NEURL4: variants seen among roughly 807,000 people sequenced by gnomAD.
The protein encoded by NEURL4 is neuralized-like protein 4.
NEURL4 carries 45 observed loss-of-function variants against 148.0 expected under a neutral mutation model. That is an observed-to-expected ratio of 0.30 (90% confidence interval 0.24 to 0.39). NEURL4 has a LOEUF of 0.39. Ranked by LOEUF, NEURL4 falls within the 10% of genes least tolerant of loss-of-function variation. The pLI, the probability that NEURL4 is intolerant of heterozygous loss-of-function variation, is 1.00. For synonymous variants in NEURL4, 854 were observed against 869.0 expected, an observed-to-expected ratio of 0.98 and a Z score of 0.30; for missense variants, 1,776 against 2,144.0, an observed-to-expected ratio of 0.83 and a Z score of 3.39.
chr17:7,317,095 A>G (rs1351134088), intron 28 of NEURL4, 110 bp downstream of exon 28: 1 of 699,100 alleles, frequency 1.4e-6, no homozygotes, highest in Admixed American at 3.2e-5. Flanking sequence ...GGCAGCTAGC[A>G]AGACGAGATG....
chr17:7,318,838 C>A lies in NEURL4; in HGVS notation c.3685-164G>T. The A allele has an allele frequency of 1.1e-6, 1 of 934,570 alleles. No homozygotes were observed. Among genetic ancestry groups the A allele is most frequent in the Non-Finnish European group, 1.6e-6 (1 of 634,592 alleles). 57.9% of individuals were successfully genotyped at this position (934,570 alleles called of 1,614,324 possible). A position where few individuals can be genotyped will look rare whatever the true frequency, so the allele number is the denominator to read the frequency against. ...GTTACCTAGAGCCCCTCCCCTTCCC[C>A]AAAACTGGCACATTCTCAATGGCAG... On this transcript the variant is annotated intron_variant, in intron 22 of 28. Coordinates refer to ENST00000399464, the MANE Select transcript of NEURL4 (RefSeq NM_032442.3). This position sits in a 1 kb window ranked among gnomAD's most constrained non-coding sequence, Gnocchi z 4.3.
chr17:7,323,382 A>G (rs2073057541), intron 14 of NEURL4, 103 bp downstream of exon 14: 1 of 1,205,278 alleles, frequency 8.3e-7, no homozygotes, highest in Admixed American at 1.9e-5. Flanking sequence ...TAGATCCCCT[A>G]GGTCTGTCAC....
chr17:7,323,703 A>C lies in NEURL4; in HGVS notation c.2282T>G (p.Leu761Arg). ...CATCTTCTGAATGACAATTTCAAAC[A>C]GCTCTCCATCCCGCAGGGCCCTGCC... ...ISNRALRDGELFEIVIQKMVD... is the reference protein window; with the variant it reads ...ISNRALRDGERFEIVIQKMVD... Residue 761 changes from leucine (L) to arginine (R), a missense_variant, in exon 13 of 29, where the codon CTG becomes CGG. Coordinates refer to ENST00000399464, the MANE Select transcript of NEURL4 (RefSeq NM_032442.3). 2.5e-6 allele frequency: 4 copies of C among 1,613,940 alleles called. No homozygotes were observed. The highest frequency in any genetic ancestry group is 3.4e-6 in the Non-Finnish European group (4 of 1,179,942).
At position 7,325,218 on chromosome 17, in the gene NEURL4, A is replaced by C; in HGVS notation, c.1622T>G (p.Leu541Arg). 7.2e-7 allele frequency: 1 copy of C among 1,387,578 alleles called. No individual in the cohort carries two copies. The highest frequency in any genetic ancestry group is 9.5e-7 in the Non-Finnish European group (1 of 1,049,632). The allele number at this position is 1,387,578 out of a possible 1,614,324, so 86.0% of individuals were successfully genotyped here. A position where few individuals can be genotyped will look rare whatever the true frequency, so the allele number is the denominator to read the frequency against. ...AAITHEGRTA[L>R]RPHATDDFNH... is the part of the protein sequence containing the mutation. ...ACCCCATGGGCCATACTGGGGCCTC[A>C]GGGCAGTGCGTCCCTCGTGGGTGAT... Residue 541 changes from leucine to arginine, a missense_variant, in exon 8 of 29, where the codon CTG becomes CGG. Coordinates refer to ENST00000399464, the MANE Select transcript of NEURL4 (RefSeq NM_032442.3).
chr17:7,316,053 G>T lies in NEURL4; in HGVS notation c.*70C>A. 1.2e-6 allele frequency: 1 copy of T among 854,450 alleles called. No individual in the cohort carries two copies. Among genetic ancestry groups the T allele is most frequent in the Non-Finnish European group, 2.0e-6 (1 of 489,798 alleles). The allele number at this position is 854,450 out of a possible 1,614,324, so 52.9% of individuals were successfully genotyped here. Reference sequence around the variant, plus strand: ...ATGCCACGAGTCACGGGAATGAGGTGGAGGCAGTCGCCACTCAGAGTCCAT... The same window carrying T: ...ATGCCACGAGTCACGGGAATGAGGTTGAGGCAGTCGCCACTCAGAGTCCAT... On this transcript the variant is annotated 3_prime_UTR_variant, in exon 29 of 29. Transcript: ENST00000399464.
In NEURL4 at chr17:7,317,314, C is replaced by G. The variant is rs767145433; in HGVS notation, c.4375G>C (p.Glu1459Gln). The G allele has an allele frequency of 1.3e-6, 2 of 1,538,518 alleles. No homozygotes were observed. Among genetic ancestry groups the G allele is most frequent in the Non-Finnish European group, 1.8e-6 (2 of 1,142,046 alleles). ...PLKGEPGVGFEEPGENCAPPR... is the reference protein window; with the variant it reads ...PLKGEPGVGFQEPGENCAPPR... The stretch of plus-strand genomic sequence containing the variant: ...GGTGCACAGTTCTCGCCAGGCTCCT[C>G]GAACCCTACCCCAGGTTCTCCCTTC... Residue 1459 changes from glutamate (E) to glutamine (Q), a missense_variant, in exon 28 of 29, where the codon GAG (glutamate) becomes CAG (glutamine). Coordinates refer to ENST00000399464, the MANE Select transcript of NEURL4 (RefSeq NM_032442.3).
At position 7,321,783 on chromosome 17, in the gene NEURL4, T is replaced by C; in HGVS notation, c.2876A>G (p.Lys959Arg). 6.2e-7 allele frequency: 1 copy of C among 1,613,138 alleles called. No individual in the cohort carries two copies. Reference sequence around the variant, plus strand: ...CCACTTCTCATCTAGCTCTTCCACTTTCACCTACGAGACAGAGAAAACATA... The same window carrying C: ...CCACTTCTCATCTAGCTCTTCCACTCTCACCTACGAGACAGAGAAAACATA... Reference protein sequence around the residue: ...ELRAEEVFEVKVEELDEKWAG... With the variant: ...ELRAEEVFEVRVEELDEKWAG... The change falls in exon 18 of 29, where the codon AAA (lysine) becomes AGA (arginine). Residue 959 changes from lysine to arginine, a missense_variant. Lys to Arg is a conservative substitution (Grantham distance 26). Transcript: ENST00000399464. The surrounding 1 kb of genome is among the most constrained non-coding windows in gnomAD (Gnocchi z 6.3).
In NEURL4 at chr17:7,317,571, A is replaced by G. The variant is rs1432174722; in HGVS notation, c.4208T>C (p.Val1403Ala). 2 of 1,613,464 alleles carry G rather than the reference A, an allele frequency of 1.2e-6. No individual in the cohort carries two copies. Among genetic ancestry groups the G allele is most frequent in the African/African-American group, 2.7e-5 (2 of 74,758 alleles). ...PFGWCRFNLR[V>A]NPRLEAGTLT... ...TGTCCCAGCCTCCAGGCGGGGATTCACTCTAGGAGGTGGACAAGCGGGGCA... is the reference window on the plus strand; with the variant it reads ...TGTCCCAGCCTCCAGGCGGGGATTCGCTCTAGGAGGTGGACAAGCGGGGCA... Residue 1403 changes from valine (V) to alanine (A), a missense_variant and splice_region_variant, in exon 27 of 29, where the codon GTG (valine) becomes GCG (alanine). Val to Ala is a moderately conservative substitution (Grantham distance 64). Transcript: ENST00000399464.
In NEURL4 at chr17:7,318,125, G is replaced by A. The variant is rs778418171; in HGVS notation, c.4000C>T (p.Leu1334=). The change falls in exon 25 of 29, where the codon CTA becomes TTA. Residue 1334 remains leucine, a synonymous_variant. Transcript: ENST00000399464. The surrounding 1 kb of genome is among the most constrained non-coding windows in gnomAD (Gnocchi z 4.3). ...AGGGCATGGTACTCGCAGCTCTTTA[G>A]AGGACTAGCGGCAGGTGGTGGACCC... ...CWGPPPAASP[L]KSCEYHALCS... The A allele has an allele frequency of 1.9e-6, 3 of 1,614,212 alleles. No homozygotes were observed. Among genetic ancestry groups the A allele is most frequent in the Non-Finnish European group, 2.5e-6 (3 of 1,180,046 alleles).
Position 7,327,581 on chromosome 17 carries a change from A to G in NEURL4, c.586T>C (p.Tyr196His). ...PPRVWAVVDL[Y>H]GKCTQITVLP... ...ACGGTGATCTGGGTGCACTTGCCAT[A>G]AAGGTCCACGACGGCCCAGACACGA... is the stretch of plus-strand genomic sequence containing the variant. Residue 196 changes from tyrosine to histidine, a missense_variant, in exon 2 of 29, where the codon TAT becomes CAT. Transcript: ENST00000399464. This position sits in a 1 kb window ranked among gnomAD's most constrained non-coding sequence, Gnocchi z 6.6. The G allele has an allele frequency of 6.2e-7, 1 of 1,611,746 alleles. No homozygotes were observed.
Position 7,316,166 on chromosome 17 carries a change from T to G in NEURL4, c.4646A>C (p.Lys1549Thr). Residue 1549 changes from lysine to threonine, a missense_variant, in exon 29 of 29, where the codon AAG becomes ACG. Transcript: ENST00000399464. Reference protein sequence around the residue: ...PAELEWVTKEKGATLLCALLV... With the variant: ...PAELEWVTKETGATLLCALLV... ...CAGGGCACAGAGGAGTGTGGCCCCC[T>G]TCTCCTTAGTGACCCACTCAAGTTC... 5 of 1,599,144 alleles carry G rather than the reference T, an allele frequency of 3.1e-6. No homozygotes were observed. The highest frequency in any genetic ancestry group is 1.3e-5 in the African/African-American group (1 of 74,766).
At chr17:7,317,093 G>T in intron 28 of NEURL4, 112 bp downstream of exon 28, 1 of 684,398 alleles carries the variant, frequency 1.5e-6, no homozygotes, top group Non-Finnish European at 2.3e-6. Context: ...CTGGCAGCTA[G>T]CAAGACGAGA....
chr17:7,326,209 T>C lies in NEURL4; in HGVS notation c.1293+46A>G. On this transcript the variant is annotated intron_variant, in intron 6 of 28. Coordinates refer to ENST00000399464, the MANE Select transcript of NEURL4 (RefSeq NM_032442.3). This position sits in a 1 kb window ranked among gnomAD's most constrained non-coding sequence, Gnocchi z 6.0. ...TGCCCTGGCAGGGACACAGAGTACC[T>C]GTGGCTCTGCTGAAAGCGGCCCAGG... The C allele has an allele frequency of 1.3e-6, 2 of 1,576,530 alleles. No individual in the cohort carries two copies. Among genetic ancestry groups the C allele is most frequent in the Non-Finnish European group, 8.7e-7 (1 of 1,150,276 alleles).
intron 21 of NEURL4, among the ~76,000 whole-genome samples, 169 bp downstream of exon 21, chr17:7,320,590 T>C (rs1000294784): frequency 2.0e-5 from 3 of 152,202 alleles, no homozygotes; most frequent in Admixed American, 2.0e-4. Flanking sequence ...GGTAGGGACT[T>C]CGTGGTAACT....
chr17:7,326,924 G>C lies in NEURL4; in HGVS notation c.879C>G (p.Ser293Arg), dbSNP rs1453579419. 6.2e-7 allele frequency: 1 copy of C among 1,613,962 alleles called. No individual in the cohort carries two copies. Among genetic ancestry groups the C allele is most frequent in the Admixed American group, 1.7e-5 (1 of 60,004 alleles). The stretch of plus-strand genomic sequence containing the variant: ...CCAGGCCTTCCCCTGCCGGTGGGGA[G>C]CTCAGGTTCACATTCAGGAGCCCTC... Reference protein sequence around the residue: ...YNGGLLNVNLSSPPAGEGLGS... With the variant: ...YNGGLLNVNLRSPPAGEGLGS... Residue 293 changes from serine to arginine, a missense_variant, in exon 4 of 29, where the codon AGC (serine) becomes AGG (arginine). By Grantham distance (110) the Ser-to-Arg change is moderately radical. Coordinates refer to ENST00000399464, the MANE Select transcript of NEURL4 (RefSeq NM_032442.3). The surrounding 1 kb of genome is among the most constrained non-coding windows in gnomAD (Gnocchi z 6.0).
rs983828760 is a variant in NEURL4 at position 7,315,874 on chromosome 17, G to T, written c.*249C>A. On this transcript the variant is annotated 3_prime_UTR_variant, in exon 29 of 29. Transcript: ENST00000399464. ...AGTCATGTTCCCCAAATCAGTGCAT[G>T]AAGAGGGGTACCAGGGCCTGGAGCT... 3.4e-6 allele frequency: 2 copies of T among 588,530 alleles called. No homozygotes were observed. Among genetic ancestry groups the T allele is most frequent in the Non-Finnish European group, 6.1e-6 (2 of 330,444 alleles). The allele number at this position is 588,530 out of a possible 1,614,324, so 36.5% of individuals were successfully genotyped here.
chr17:7,329,039 C>A lies in NEURL4; in HGVS notation c.274G>T (p.Asp92Tyr). 6.3e-7 allele frequency: 1 copy of A among 1,578,558 alleles called. No individual in the cohort carries two copies. The highest frequency in any genetic ancestry group is 8.6e-7 in the Non-Finnish European group (1 of 1,160,132). The change falls in exon 1 of 29, where the codon GAC (aspartate) becomes TAC (tyrosine). Residue 92 changes from aspartate to tyrosine, a missense_variant. Physicochemically the swap from Asp to Tyr is radical, Grantham distance 160. Transcript: ENST00000399464. ...CGGTACCAGCGCTGCACCTTGCGGT[C>A]GATGCGGACGGTGAAGACGCGTCCA... ...RDGRVFTVRI[D>Y]RKVNSWSGSI...
intron 1 of NEURL4, 48 bp downstream of exon 1, chr17:7,328,983 G>A (rs2073138290): frequency 3.4e-6 from 5 of 1,481,880 alleles, no homozygotes; most frequent in Non-Finnish European, 4.5e-6. Context: ...CCCTCTAGAC[G>A]CCTCCCACCA....
At position 7,318,160 on chromosome 17, in the gene NEURL4, C is replaced by A; in HGVS notation, c.3965G>T (p.Ser1322Ile). Residue 1322 changes from serine (S) to isoleucine (I), a missense_variant, in exon 25 of 29, where the codon AGT becomes ATT. Ser to Ile is a moderately radical substitution (Grantham distance 142). Coordinates refer to ENST00000399464, the MANE Select transcript of NEURL4 (RefSeq NM_032442.3). This position sits in a 1 kb window ranked among gnomAD's most constrained non-coding sequence, Gnocchi z 4.3. ...KADMVDGIKE[S>I]VCWGPPPAAS... Reference sequence around the variant, plus strand: ...GGCAGGTGGTGGACCCCAGCACACACTCTCTTTGATACCTGAGGGAGCAGA... The same window carrying A: ...GGCAGGTGGTGGACCCCAGCACACAATCTCTTTGATACCTGAGGGAGCAGA... The A allele has an allele frequency of 6.2e-7, 1 of 1,614,164 alleles. No homozygotes were observed. Among genetic ancestry groups the A allele is most frequent in the Non-Finnish European group, 8.5e-7 (1 of 1,180,000 alleles).
Sources: allele counts gnomAD v4.1 joint callset (sites outside exome capture counted in the v4.1 genomes callset), GRCh38; gene constraint gnomAD v4.1.1; non-coding constraint Gnocchi (gnomAD v3.1); transcripts MANE v1.5; gene names NCBI Gene and HGNC (gene_info 2026-07-23, HGNC 2026-07-21).